FAM219A: variants seen among roughly 807,000 people sequenced by gnomAD.
FAM219A encodes the protein family with sequence similarity 219 member A.
FAM219A carries 7 observed loss-of-function variants against 23.4 expected under a neutral mutation model. That is an observed-to-expected ratio of 0.30 (90% CI 0.17 to 0.56). The LOEUF is 0.56. Among genes scored for constraint, FAM219A ranks in the 20% least tolerant of loss-of-function variants. FAM219A has a pLI of 0.92. For synonymous variants in FAM219A, 93 were observed against 99.0 expected (o/e 0.94, Z 0.36); for missense variants, 166 against 246.9 (o/e 0.67, Z 2.20).
chr9:34,410,881 A>AT (rs1821796932), intron 1 of FAM219A, among the ~76,000 whole-genome samples: 1 of 152,218 alleles, frequency 6.6e-6, no homozygotes, highest in Non-Finnish European at 1.5e-5. Flanking sequence ...TGGGACTAAC[A>AT]CTAATACCTA....
rs1426080458 is a variant in FAM219A at position 34,400,647 on chromosome 9, CGTCCA to C, written c.*312_*316del. 1.6e-5 allele frequency: 4 copies of C among 249,406 alleles called. No homozygotes were observed. Among genetic ancestry groups the C allele is most frequent in the African/African-American group, 8.9e-5 (4 of 44,736 alleles). The allele number at this position is 249,406 out of a possible 1,614,324, so 15.4% of individuals were successfully genotyped here. A position where few individuals can be genotyped will look rare whatever the true frequency, so the allele number is the denominator to read the frequency against. ...CACTCGTTAATGTTGACCTCCCTGC[CGTCCA>C]GTCTTCTCTCTTGGCCAGCCCTGGG... is the stretch of plus-strand genomic sequence containing the variant. On this transcript the variant is annotated 3_prime_UTR_variant, in exon 6 of 6. Coordinates refer to ENST00000651358, the MANE Select transcript of FAM219A (RefSeq NM_001184940.2).
chr9:34,411,007 G>A lies in FAM219A; in HGVS notation c.61-5043C>T, dbSNP rs188150081. Reference sequence around the variant, plus strand: ...CATGTTAACTGTAAAGATATCATTAGTATAGGTTCAGTGAGGCCTATACTA... The same window carrying A: ...CATGTTAACTGTAAAGATATCATTAATATAGGTTCAGTGAGGCCTATACTA... On this transcript the variant is annotated intron_variant, in intron 1 of 5. Transcript: ENST00000651358. 1.5e-3 allele frequency among the ~76,000 whole-genome samples: 228 copies of A among 152,306 alleles called. 1 individual carries two copies. Among genetic ancestry groups the A allele is most frequent in the South Asian group, 8.5e-3 (41 of 4,828 alleles).
Position 34,417,805 on chromosome 9 carries a change from CT to C in FAM219A, c.61-11842del, listed in dbSNP as rs1822091287. 6.6e-6 allele frequency among the ~76,000 whole-genome samples: 1 copy of C among 152,198 alleles called. No individual in the cohort carries two copies. The highest frequency in any genetic ancestry group is 1.5e-5 in the Non-Finnish European group (1 of 68,038). The stretch of plus-strand genomic sequence containing the variant: ...CTTCTTTCATAGAACAGAATTTCCT[CT>C]GGGCATCACCTGCCAGACAAAATAC... On this transcript the variant is annotated intron_variant, in intron 1 of 5. Transcript: ENST00000651358. This position sits in a 1 kb window ranked among gnomAD's most constrained non-coding sequence, Gnocchi z 4.1.
Position 34,402,736 on chromosome 9 carries a change from G to C in FAM219A, c.232C>G (p.Pro78Ala). The change falls in exon 3 of 6, where the codon CCC becomes GCC. Residue 78 changes from proline (P) to alanine (A), a missense_variant. Transcript: ENST00000651358. Reference protein sequence around the residue: ...GSMGSPVNQQPKKNNVMARTR... With the variant: ...GSMGSPVNQQAKKNNVMARTR... ...CGGGCCATGACATTGTTCTTCTTGG[G>C]TTGCTGGTTGACAGGGCTACCCATG... is the stretch of plus-strand genomic sequence containing the variant. 6.2e-7 allele frequency: 1 copy of C among 1,614,188 alleles called. No individual in the cohort carries two copies. Among genetic ancestry groups the C allele is most frequent in the South Asian group, 1.1e-5 (1 of 91,084 alleles).
Position 34,440,143 on chromosome 9 carries a change from T to C in FAM219A, c.60+18061A>G, listed in dbSNP as rs1344650730. 2.6e-5 allele frequency among the ~76,000 whole-genome samples: 4 copies of C among 152,158 alleles called. No homozygotes were observed. In the East Asian group the frequency reaches 7.7e-4, roughly 29 times the overall value. ...TTATCAGGAATCCTGTACTGGGTGG[T>C]CAGCTGTCACTGCAGACCCCTATGT... is the stretch of plus-strand genomic sequence containing the variant. On this transcript the variant is annotated intron_variant, in intron 1 of 5. Transcript: ENST00000651358.
chr9:34,443,782 T>C (rs1485915521), intron 1 of FAM219A, among the ~76,000 whole-genome samples: 4 of 151,892 alleles, frequency 2.6e-5, no homozygotes, highest in Non-Finnish European at 4.4e-5. Flanking sequence ...CCCTCAAGCA[T>C]ACTCAAACCA....
intron 1 of FAM219A, among the ~76,000 whole-genome samples, chr9:34,440,177 T>G (rs773271518): frequency 7.9e-5 from 12 of 152,202 alleles, no homozygotes; most frequent in Admixed American, 5.2e-4. Context: ...GTTTTCTAGC[T>G]GTTGCACAGC....
intron 1 of FAM219A, chr9:34,406,560 C>T (rs1055722668): frequency 1.9e-5 from 17 of 894,916 alleles, no homozygotes; most frequent in Admixed American, 6.2e-5. Flanking sequence ...AGAGTGTCTC[C>T]GGGGAGAACC....
chr9:34,429,025 C>T (rs997597501), intron 1 of FAM219A, among the ~76,000 whole-genome samples: 1 of 152,234 alleles, frequency 6.6e-6, no homozygotes, highest in East Asian at 1.9e-4. Flanking sequence ...TGCAACACCT[C>T]TTGAGGTGGG....
chr9:34,403,690 C>T (rs1032377594), intron 2 of FAM219A, among the ~76,000 whole-genome samples: 2 of 152,186 alleles, frequency 1.3e-5, no homozygotes, highest in Non-Finnish European at 1.5e-5. Context: ...GTCCCATCTA[C>T]TCTTCCCTAC....
intron 1 of FAM219A, among the ~76,000 whole-genome samples, chr9:34,420,181 A>C (rs898932005): frequency 6.6e-6 from 1 of 152,172 alleles, no homozygotes; most frequent in African/African-American, 2.4e-5. Flanking sequence ...AAAAACACCA[A>C]GCCCTGGTTC....
intron 1 of FAM219A, among the ~76,000 whole-genome samples, chr9:34,447,932 T>C (rs1439550646): frequency 6.6e-6 from 1 of 152,004 alleles, no homozygotes; most frequent in African/African-American, 2.4e-5. Flanking sequence ...AGTGTAATAG[T>C]GCAATTATAG....
At position 34,402,561 on chromosome 9, in the gene FAM219A, T is replaced by A. The variant is rs982587367; in HGVS notation, c.264-94A>T. 3.2e-6 allele frequency: 5 copies of A among 1,570,524 alleles called. No homozygotes were observed. The African/African-American group carries it at 6.8e-5, about 21-fold the overall frequency. Reference sequence around the variant, plus strand: ...GGCCCCGTCCCACCACTTTCTTCCCTCCCTCCCCACCTTGGATCCTGTTAA... The same window carrying A: ...GGCCCCGTCCCACCACTTTCTTCCCACCCTCCCCACCTTGGATCCTGTTAA... On this transcript the variant is annotated intron_variant, in intron 3 of 5. Transcript: ENST00000651358.
In FAM219A at chr9:34,458,092, C is replaced by CT; in HGVS notation, c.60+111dup. ...CCCGGCAATACGTTTTCAGGGATCT[C>CT]TTTGCCCCATCCGATGGCGCCCCTC... On this transcript the variant is annotated intron_variant, in intron 1 of 5. Coordinates refer to ENST00000651358, the MANE Select transcript of FAM219A (RefSeq NM_001184940.2). This position sits in a 1 kb window ranked among gnomAD's most constrained non-coding sequence, Gnocchi z 6.6. 9.8e-7 allele frequency: 1 copy of CT among 1,022,632 alleles called. No individual in the cohort carries two copies. Among genetic ancestry groups the CT allele is most frequent in the Admixed American group, 2.9e-5 (1 of 34,314 alleles). 63.3% of individuals were successfully genotyped at this position (1,022,632 alleles called of 1,614,324 possible). A position where few individuals can be genotyped will look rare whatever the true frequency, so the allele number is the denominator to read the frequency against.
intron 1 of FAM219A, among the ~76,000 whole-genome samples, chr9:34,411,395 A>AT (rs1416652237): frequency 2.0e-5 from 3 of 151,976 alleles, no homozygotes; most frequent in Admixed American, 1.3e-4. Flanking sequence ...GTCTTTAAAA[A>AT]TAAAAAAAAA....
rs181276303 is a variant in FAM219A, at chr9:34,439,017, G to A, written c.60+19187C>T. Among the ~76,000 whole-genome samples the A allele has an allele frequency of 3.6e-4, 54 of 151,470 alleles. No individual in the cohort carries two copies. The East Asian group carries it at 9.5e-3, about 27-fold the overall frequency. On this transcript the variant is annotated intron_variant, in intron 1 of 5. Coordinates refer to ENST00000651358, the MANE Select transcript of FAM219A (RefSeq NM_001184940.2). ...AAACCAGCGAGACCACGAGCCCACC[G>A]GGAGGAACGAACAACTCCAGAGGCG...
chr9:34,427,715 G>A (rs995754934), intron 1 of FAM219A, among the ~76,000 whole-genome samples: 1 of 152,308 alleles, frequency 6.6e-6, no homozygotes, highest in Non-Finnish European at 1.5e-5. Flanking sequence ...TGACCTATCA[G>A]ACCATGCTGG....
At chr9:34,445,328 A>G (rs544173977) in intron 1 of FAM219A, among the ~76,000 whole-genome samples, 3 of 152,380 alleles carry the variant, frequency 2.0e-5, no homozygotes, top group Admixed American at 2.0e-4. Flanking sequence ...CAAGACTCAC[A>G]GCACATTAAA....
intron 1 of FAM219A, among the ~76,000 whole-genome samples, chr9:34,440,278 T>G: frequency 6.6e-6 from 1 of 152,130 alleles, no homozygotes; most frequent in East Asian, 1.9e-4. Flanking sequence ...TAACAGCTGT[T>G]AGGCTGGGTA....
Sources: allele counts gnomAD v4.1 joint callset (sites outside exome capture counted in the v4.1 genomes callset), GRCh38; gene constraint gnomAD v4.1.1; non-coding constraint Gnocchi (gnomAD v3.1); transcripts MANE v1.5; gene names NCBI Gene and HGNC (gene_info 2026-07-23, HGNC 2026-07-21).